CBX5: variants seen among roughly 807,000 people sequenced by gnomAD.
CBX5 encodes chromobox protein homolog 5.
In CBX5, 7 loss-of-function variants were observed where a neutral mutation model predicts 20.7. The observed-to-expected ratio is 0.34, with a 90% CI of 0.19 to 0.63. CBX5 has a LOEUF of 0.63. Among genes scored for constraint, CBX5 ranks in the 30% least tolerant of loss-of-function variants. The pLI, the probability that CBX5 is intolerant of heterozygous loss-of-function variation, is 0.75. For missense variants in CBX5, 110 were observed against 224.1 expected, an observed-to-expected ratio of 0.49 and a Z score of 3.25; for synonymous variants, 78 against 77.0, an observed-to-expected ratio of 1.01 and a Z score of -0.07.
intron 1 of CBX5, among the ~76,000 whole-genome samples, chr12:54,271,127 C>T (rs576075141): frequency 6.6e-6 from 1 of 152,300 alleles, no homozygotes; most frequent in East Asian, 1.9e-4. Context: ...GGTAAACTGT[C>T]TGTGTAAAAG....
chr12:54,268,549 A>G (rs1019497831), intron 1 of CBX5, among the ~76,000 whole-genome samples: 3 of 152,156 alleles, frequency 2.0e-5, no homozygotes, highest in Non-Finnish European at 4.4e-5. Context: ...TTCAAATCCT[A>G]TGCCAAAGAT....
In CBX5 at chr12:54,232,464, T is replaced by G. The variant is rs971527608; in HGVS notation, c.*9291A>C. 6.6e-6 allele frequency: 1 copy of G among 152,176 alleles called. No homozygotes were observed. Among genetic ancestry groups the G allele is most frequent in the Admixed American group, 6.6e-5 (1 of 15,266 alleles). 9.4% of individuals were successfully genotyped at this position (152,176 alleles called of 1,614,324 possible). On this transcript the variant is annotated 3_prime_UTR_variant, in exon 5 of 5. Transcript: ENST00000209875. Reference sequence around the variant, plus strand: ...ACCCCTGTGAGGTAGGTCAGTATTATTAACCCCATTTGACAGATGGGGAAC... The same window carrying G: ...ACCCCTGTGAGGTAGGTCAGTATTAGTAACCCCATTTGACAGATGGGGAAC...
Position 54,235,099 on chromosome 12 carries a change from G to A in CBX5, c.*6656C>T, listed in dbSNP as rs1013479083. 1 of 152,158 alleles carries A rather than the reference G, an allele frequency of 6.6e-6. No individual in the cohort carries two copies. The highest frequency in any genetic ancestry group is 1.5e-5 in the Non-Finnish European group (1 of 68,038). The allele number at this position is 152,158 out of a possible 1,614,324, so 9.4% of individuals were successfully genotyped here. On this transcript the variant is annotated 3_prime_UTR_variant, in exon 5 of 5. Transcript: ENST00000209875. ...CCAGAGCAGTTACTCTAATTCCTGG[G>A]AATTCTGACTTCCAAAGTTAGTCAA...
intron 4 of CBX5, among the ~76,000 whole-genome samples, chr12:54,244,736 A>G (rs946668904): frequency 3.9e-5 from 6 of 152,182 alleles, no homozygotes; most frequent in Non-Finnish European, 7.3e-5. Flanking sequence ...CTCAAAAAAA[A>G]AGAAATCAAA....
At chr12:54,271,395 C>T (rs769353304) in intron 1 of CBX5, among the ~76,000 whole-genome samples, 13 of 151,918 alleles carry the variant, frequency 8.6e-5, no homozygotes, top group East Asian at 1.9e-4. Flanking sequence ...GCGCGATCTC[C>T]GCTCACTGCA....
chr12:54,271,853 A>T (rs1385024293), intron 1 of CBX5: 1 of 152,246 alleles, frequency 6.6e-6, no homozygotes, highest in Non-Finnish European at 1.5e-5. Context: ...AGTTAAAAAA[A>T]TTTTAATGAA....
chr12:54,251,516 C>CAAA lies in CBX5; in HGVS notation c.324+522_324+524dup, dbSNP rs55662273. ...CCTGGGTGACAGCAAGACTCTGTCTCAAAAAAAAAAAAAAAAAAAAAAAAA... is the reference window on the plus strand; with the variant it reads ...CCTGGGTGACAGCAAGACTCTGTCTCAAAAAAAAAAAAAAAAAAAAAAAAAAAA... On this transcript the variant is annotated intron_variant, in intron 3 of 4. Transcript: ENST00000209875. Among the ~76,000 whole-genome samples the CAAA allele has an allele frequency of 1.0e-4, 7 of 68,094 alleles. No homozygotes were observed. The East Asian group carries it at 2.1e-3, about 20-fold the overall frequency. 44.7% of individuals were successfully genotyped at this position (68,094 alleles called of 152,430 possible).
rs779048788 is a variant in CBX5 at position 54,246,177 on chromosome 12, C to G, written c.363G>C (p.Leu121=). The stretch of plus-strand genomic sequence containing the variant: ...TTGCCCCAATGATCTTTTCTGGTTC[C>G]AGTCCTCTCTCAAAGCCCCGAGCGA... ...NDIARGFERG[L]EPEKIIGATD... is the part of the protein sequence containing the mutation. Residue 121 remains leucine (L), a synonymous_variant, in exon 4 of 5, where the codon CTG becomes CTC. Coordinates refer to ENST00000209875, the MANE Select transcript of CBX5 (RefSeq NM_012117.3). 1 of 1,613,734 alleles carries G rather than the reference C, an allele frequency of 6.2e-7. No individual in the cohort carries two copies. The highest frequency in any genetic ancestry group is 2.2e-5 in the East Asian group (1 of 44,868).
intron 1 of CBX5, chr12:54,276,686 A>G (rs1944071518): frequency 6.6e-6 from 1 of 152,212 alleles, no homozygotes; most frequent in Non-Finnish European, 1.5e-5. Context: ...CCCTGGGTCT[A>G]TAAACAGCTG....
At chr12:54,247,148 G>A (rs1320865659) in intron 3 of CBX5, among the ~76,000 whole-genome samples, 1 of 152,124 alleles carries the variant, frequency 6.6e-6, no homozygotes, top group Non-Finnish European at 1.5e-5. Flanking sequence ...CTTGGTTAGA[G>A]AGAAGGCCCT....
chr12:54,249,050 G>A (rs1327214572), intron 3 of CBX5, among the ~76,000 whole-genome samples: 1 of 152,128 alleles, frequency 6.6e-6, no homozygotes, highest in East Asian at 1.9e-4. Context: ...GTGGCTCCAA[G>A]CCAGATTATT....
chr12:54,255,558 C>CAAA (rs34624476), intron 2 of CBX5: 2 of 88,702 alleles, frequency 2.3e-5, no homozygotes, highest in Admixed American at 1.2e-4. Flanking sequence ...GACTCTGTCT[C>CAAA]AAAAAAAAAA....
At chr12:54,254,819 C>T (rs1282576883) in intron 2 of CBX5, among the ~76,000 whole-genome samples, 1 of 152,044 alleles carries the variant, frequency 6.6e-6, no homozygotes, top group Non-Finnish European at 1.5e-5. Context: ...CGCCATTGCA[C>T]ACCAGCCTGG....
chr12:54,251,013 C>T (rs966866539), intron 3 of CBX5, among the ~76,000 whole-genome samples: 1 of 151,286 alleles, frequency 6.6e-6, no homozygotes, highest in Admixed American at 6.6e-5. Context: ...TGCCTGTAAT[C>T]CCAGCTACTT....
rs1251419652 is a variant in CBX5, at chr12:54,238,561, AATTAT to A, written c.*3189_*3193del. 2.0e-5 allele frequency: 3 copies of A among 152,242 alleles called. No individual in the cohort carries two copies. The highest frequency in any genetic ancestry group is 4.1e-4 in the South Asian group (2 of 4,832). The allele number at this position is 152,242 out of a possible 1,614,324, so 9.4% of individuals were successfully genotyped here. A position where few individuals can be genotyped will look rare whatever the true frequency, so the allele number is the denominator to read the frequency against. ...ATAGTATGTTCCAATTTTAAATAAA[AATTAT>A]ATTGTCTGAAAGACAATACAATTTT... On this transcript the variant is annotated 3_prime_UTR_variant, in exon 5 of 5. Transcript: ENST00000209875.
rs530310381 is a variant in CBX5 at position 54,246,758 on chromosome 12, G to A, written c.325-543C>T. Among the ~76,000 whole-genome samples, 391 of 140,046 alleles carry A rather than the reference G, an allele frequency of 2.8e-3. 1 individual carries two copies. Among genetic ancestry groups the A allele is most frequent in the African/African-American group, 9.9e-3 (365 of 36,902 alleles). 91.9% of individuals were successfully genotyped at this position (140,046 alleles called of 152,430 possible). On this transcript the variant is annotated intron_variant, in intron 3 of 4. Coordinates refer to ENST00000209875, the MANE Select transcript of CBX5 (RefSeq NM_012117.3). ...ACCGCACCACTGCATTCCAGCCTGG[G>A]CAACATAGCAAGACTCCGTCTCAAA...
chr12:54,259,081 T>G (rs949565651), intron 1 of CBX5, among the ~76,000 whole-genome samples: 3 of 152,156 alleles, frequency 2.0e-5, no homozygotes, highest in African/African-American at 7.2e-5. Context: ...AATACTCTAT[T>G]TGGAAGAGGA....
Position 54,251,973 on chromosome 12 carries a change from C to T in CBX5, c.324+68G>A, listed in dbSNP as rs539841643. On this transcript the variant is annotated intron_variant, in intron 3 of 4. Transcript: ENST00000209875. ...CAATAGAAATAACCAAAATATGATA[C>T]TTTTATTTATTATTATTATTTTGGT... 3.0e-4 allele frequency: 404 copies of T among 1,350,716 alleles called. 4 individuals are homozygous for T. The African/African-American group carries it at 5.6e-3, about 19-fold the overall frequency. The allele number at this position is 1,350,716 out of a possible 1,614,324, so 83.7% of individuals were successfully genotyped here.
At chr12:54,271,134 A>G (rs956457212) in intron 1 of CBX5, among the ~76,000 whole-genome samples, 1 of 152,178 alleles carries the variant, frequency 6.6e-6, no homozygotes, top group Non-Finnish European at 1.5e-5. Context: ...TGTCTGTGTA[A>G]AAGTTCCATG....
Sources: allele counts gnomAD v4.1 joint callset (sites outside exome capture counted in the v4.1 genomes callset), GRCh38; gene constraint gnomAD v4.1.1; transcripts MANE v1.5; gene names NCBI Gene and HGNC (gene_info 2026-07-23, HGNC 2026-07-21).